PCNX1: variants seen among roughly 807,000 people sequenced by gnomAD.
PCNX1 encodes pecanex 1.
A neutral mutation model predicts 242.2 loss-of-function variants in PCNX1; 78 were observed. The observed-to-expected ratio is 0.32, with a 90% CI of 0.27 to 0.39. PCNX1 has a LOEUF of 0.39. PCNX1 is among the 10% of genes least tolerant of loss of function. The pLI, the probability that PCNX1 is intolerant of heterozygous loss-of-function variation, is 1.00. For missense variants in PCNX1, 2,581 were observed against 2,856.5 expected (o/e 0.90, Z 2.20); for synonymous variants, 1,024 against 1,032.9 (o/e 0.99, Z 0.17).
chr14:70,982,024 T>C (rs2058853840), intron 6 of PCNX1, among the ~76,000 whole-genome samples: 1 of 152,188 alleles, frequency 6.6e-6, no homozygotes, highest in South Asian at 2.1e-4. Context: ...TAATATAATA[T>C]TGTGTTGGGA....
chr14:71,020,588 C>G (rs1436786686), intron 12 of PCNX1, among the ~76,000 whole-genome samples: 1 of 152,142 alleles, frequency 6.6e-6, no homozygotes, highest in African/African-American at 2.4e-5. Context: ...TGAGAAGTGT[C>G]TGTTCATATC....
intron 26 of PCNX1, among the ~76,000 whole-genome samples, chr14:71,070,549 A>C (rs1171192021): frequency 1.3e-5 from 2 of 152,230 alleles, no homozygotes; most frequent in Non-Finnish European, 2.9e-5. Flanking sequence ...TGTCTTGTAC[A>C]TTTCCATCAG....
At chr14:71,018,150 T>C (rs1013756571) in intron 11 of PCNX1, among the ~76,000 whole-genome samples, 1 of 152,108 alleles carries the variant, frequency 6.6e-6, no homozygotes, top group African/African-American at 2.4e-5. Context: ...CATGGTTTTG[T>C]GTCCTGCTTT....
chr14:70,991,661 A>G (rs1178976468), intron 7 of PCNX1, among the ~76,000 whole-genome samples: 1 of 152,206 alleles, frequency 6.6e-6, no homozygotes, highest in Non-Finnish European at 1.5e-5. Context: ...GTAAAATAAA[A>G]TTTATCTGTG....
intron 26 of PCNX1, among the ~76,000 whole-genome samples, chr14:71,059,304 G>T (rs1174909602): frequency 6.6e-6 from 1 of 152,076 alleles, no homozygotes; most frequent in Non-Finnish European, 1.5e-5. Context: ...ACTCAAATTT[G>T]AAAATACAGC....
chr14:70,981,076 G>T lies in PCNX1; in HGVS notation c.2311+2428G>T, dbSNP rs78168059. Among the ~76,000 whole-genome samples the T allele has an allele frequency of 3.6e-4, 55 of 152,118 alleles. No homozygotes were observed. In the East Asian group the frequency reaches 9.9e-3, roughly 27 times the overall value. On this transcript the variant is annotated intron_variant, in intron 6 of 35. Transcript: ENST00000304743. ...AGTCAGATACCTTTGTTAGTATGTG[G>T]GCTCCACTGTTGTGACTCTAGGAAA...
At position 71,033,410 on chromosome 14, in the gene PCNX1, TA is replaced by T; in HGVS notation, c.3559-16del. 8.0e-7 allele frequency: 1 copy of T among 1,254,784 alleles called. No homozygotes were observed. The highest frequency in any genetic ancestry group is 1.2e-6 in the Non-Finnish European group (1 of 857,008). 77.7% of individuals were successfully genotyped at this position (1,254,784 alleles called of 1,614,324 possible). On this transcript the variant is annotated intron_variant, in intron 16 of 35. Transcript: ENST00000304743. The stretch of plus-strand genomic sequence containing the variant: ...ACAAATTAGAAGCATATTATTCTGT[TA>T]AATTCATTTTTCCGCAGGATTCTTG...
chr14:70,983,112 G>A, intron 6 of PCNX1, among the ~76,000 whole-genome samples: 1 of 152,106 alleles, frequency 6.6e-6, no homozygotes, highest in Non-Finnish European at 1.5e-5. Flanking sequence ...TTTATTAAGG[G>A]ACTCTCCTGA....
chr14:70,909,359 G>T (rs1275863856), intron 1 of PCNX1, among the ~76,000 whole-genome samples: 1 of 151,912 alleles, frequency 6.6e-6, no homozygotes, highest in Non-Finnish European at 1.5e-5. Context: ...AAAATTTATC[G>T]TGAAGTATTA....
In PCNX1 at chr14:70,962,288, G is replaced by T; in HGVS notation, c.425G>T (p.Cys142Phe). 6.2e-7 allele frequency: 1 copy of T among 1,613,564 alleles called. No homozygotes were observed. ...CGAGAGGCCACACCCCCAGTTGGTT[G>T]CAGTTCCAGAAATTCTTATGCCGGT... ...FIREATPPVG[C>F]SSRNSYAGLD... The change falls in exon 3 of 36, where the codon TGC (cysteine) becomes TTC (phenylalanine). Residue 142 changes from cysteine to phenylalanine, a missense_variant. Cys to Phe is a radical substitution (Grantham distance 205). This residue lies in a region of PCNX1 where 1,204 missense variants were observed against 1,216.7 expected (regional missense o/e 0.99). Coordinates refer to ENST00000304743, the MANE Select transcript of PCNX1 (RefSeq NM_014982.3).
At chr14:70,947,678 A>G (rs2057513727) in intron 2 of PCNX1, among the ~76,000 whole-genome samples, 2 of 152,140 alleles carry the variant, frequency 1.3e-5, no homozygotes, top group Non-Finnish European at 2.9e-5. Flanking sequence ...AATTGTTTGT[A>G]GAGCATGTGT....
rs149008667 is a variant in PCNX1 at position 71,107,041 on chromosome 14, A to G, written c.6302-1563A>G. ...TTCCCTGTCCCTAGGCCCTCAAAGT[A>G]TGCTTTTATTAATTTCCCTTTGACA... On this transcript the variant is annotated intron_variant, in intron 33 of 35. Transcript: ENST00000304743. 4.3e-3 allele frequency among the ~76,000 whole-genome samples: 650 copies of G among 152,194 alleles called. 3 individuals carry two copies. The highest frequency in any genetic ancestry group is 0.015 in the African/African-American group (612 of 41,528).
At chr14:70,949,157 TATACTTATAA>T (rs1168260474) in intron 2 of PCNX1, among the ~76,000 whole-genome samples, 19 of 149,328 alleles carry the variant, frequency 1.3e-4, no homozygotes, top group Admixed American at 3.3e-4. Context: ...TATGTGTATA[TATACTTATAA>T]ATGCTTATAC....
At chr14:71,048,053 A>AT in intron 22 of PCNX1, 69 bp downstream of exon 22, 1 of 1,092,748 alleles carries the variant, frequency 9.2e-7, no homozygotes, top group East Asian at 2.4e-5. Flanking sequence ...GCTAGTCAGA[A>AT]TTTTTCTTAT....
intron 33 of PCNX1, 113 bp downstream of exon 33, chr14:71,105,553 ATT>A (rs59011941): frequency 2.9e-3 from 1,802 of 616,252 alleles, no homozygotes; most frequent in East Asian, 4.1e-3. Context: ...CAGAAATAGA[ATT>A]TTTTTTTTTT....
rs1566821345 is a variant in PCNX1 at position 71,113,930 on chromosome 14, T to TAA, written c.*3997_*3998dup. ...TCTTTTTCTGTGTAATGTAATCATA[T>TAA]AAAGTTACTTTGGACAGAGACCCAG... On this transcript the variant is annotated 3_prime_UTR_variant, in exon 36 of 36. Coordinates refer to ENST00000304743, the MANE Select transcript of PCNX1 (RefSeq NM_014982.3). 1 of 152,208 alleles carries TAA rather than the reference T, an allele frequency of 6.6e-6. No individual in the cohort carries two copies. The highest frequency in any genetic ancestry group is 2.4e-5 in the African/African-American group (1 of 41,462). The allele number at this position is 152,208 out of a possible 1,614,324, so 9.4% of individuals were successfully genotyped here. A position where few individuals can be genotyped will look rare whatever the true frequency, so the allele number is the denominator to read the frequency against.
At chr14:70,953,128 T>A (rs931228419) in intron 2 of PCNX1, among the ~76,000 whole-genome samples, 21 of 151,720 alleles carry the variant, frequency 1.4e-4, no homozygotes, top group Non-Finnish European at 2.2e-4. Context: ...TAAAAAAAAA[T>A]TTTAGCTAGG....
In PCNX1 at chr14:71,089,238, G is replaced by A; in HGVS notation, c.5485G>A (p.Asp1829Asn). The A allele has an allele frequency of 6.2e-7, 1 of 1,611,488 alleles. No individual in the cohort carries two copies. The highest frequency in any genetic ancestry group is 8.5e-7 in the Non-Finnish European group (1 of 1,177,750). The change falls in exon 30 of 36, where the codon GAT becomes AAT. Residue 1829 changes from aspartate to asparagine, a missense_variant. Coordinates refer to ENST00000304743, the MANE Select transcript of PCNX1 (RefSeq NM_014982.3). ...TGGATTGCATGCCCTATTTAAAGGAGATTTCCGTATTTCTTCAATTCGAGA... is the reference window on the plus strand; with the variant it reads ...TGGATTGCATGCCCTATTTAAAGGAAATTTCCGTATTTCTTCAATTCGAGA... ...LYGLHALFKGDFRISSIRDEW... is the reference protein window; with the variant it reads ...LYGLHALFKGNFRISSIRDEW...
intron 2 of PCNX1, among the ~76,000 whole-genome samples, chr14:70,948,057 CCT>C (rs766961491): frequency 5.3e-5 from 8 of 152,104 alleles, no homozygotes; most frequent in Non-Finnish European, 1.2e-4. Context: ...GCTCTTGAAC[CCT>C]GTTTCCTGTT....
Sources: gnomAD v4.1 joint callset for allele counts (sites outside exome capture counted in the v4.1 genomes callset) on GRCh38, gnomAD v4.1.1 for gene constraint, gnomAD v4.1.1 regional missense constraint, MANE v1.5 for transcripts, NCBI Gene and HGNC (gene_info 2026-07-23, HGNC 2026-07-21) for gene names.